SLFNL1: variants seen among roughly 807,000 people sequenced by gnomAD.
SLFNL1 encodes the protein schlafen-like protein 1.
Under a neutral mutation model 32.5 loss-of-function variants are expected in SLFNL1, and 26 were observed. That is an observed-to-expected ratio of 0.80 (90% CI 0.59 to 1.11). The LOEUF (loss-of-function observed/expected upper bound fraction) is 1.11, where lower values mean the gene tolerates loss of function less well. Among genes scored for constraint, SLFNL1 ranks in the 50% least tolerant of loss-of-function variants. The probability of loss-of-function intolerance (pLI) is 0.00; values close to 1 mark genes in which losing one functional copy is unlikely to be tolerated. For synonymous variants in SLFNL1, 255 were observed against 242.2 expected (o/e 1.05, Z -0.49); for missense variants, 553 against 546.5 (o/e 1.01, Z -0.12).
In SLFNL1 at chr1:41,016,086, C is replaced by G. The variant is rs1398217153; in HGVS notation, c.*20G>C. 6.2e-7 allele frequency: 1 copy of G among 1,609,476 alleles called. No individual in the cohort carries two copies. Among genetic ancestry groups the G allele is most frequent in the Non-Finnish European group, 8.5e-7 (1 of 1,177,510 alleles). On this transcript the variant is annotated 3_prime_UTR_variant, in exon 6 of 6. Transcript: ENST00000302946. The stretch of plus-strand genomic sequence containing the variant: ...CTCAGGTGGAGAGTGCCGTGCCGTC[C>G]TGCCTGCTCCCCAGGGCCCTCACAG...
chr1:41,019,231 C>T (rs955088845), intron 3 of SLFNL1, among the ~76,000 whole-genome samples: 16 of 152,142 alleles, frequency 1.1e-4, no homozygotes, highest in Non-Finnish European at 2.4e-4. Flanking sequence ...CCTACCAGCC[C>T]TGCAGCTCCC....
chr1:41,018,327 G>A, intron 3 of SLFNL1, 171 bp from the exon 4 acceptor site: 1 of 602,576 alleles, frequency 1.7e-6, no homozygotes, highest in Admixed American at 3.5e-5. Context: ...CCCTCCTGCA[G>A]CCGAGGCAGG....
chr1:41,020,810 C>T (rs1226033598), intron 2 of SLFNL1, 32 bp from the exon 3 acceptor site: 9 of 706,142 alleles, frequency 1.3e-5, no homozygotes, highest in South Asian at 1.9e-5. Context: ...AGAGACTGGG[C>T]AGGGCCAGAG....
Position 41,020,557 on chromosome 1 carries a change from G to A in SLFNL1, c.104C>T (p.Thr35Met), listed in dbSNP as rs370423685. 1.1e-4 allele frequency: 173 copies of A among 1,613,388 alleles called. No homozygotes were observed. Among genetic ancestry groups the A allele is most frequent in the Non-Finnish European group, 1.4e-4 (162 of 1,180,010 alleles). Reference protein sequence around the residue: ...LPELPAEQSLTEYSDLEEAPS... With the variant: ...LPELPAEQSLMEYSDLEEAPS... Reference sequence around the variant, plus strand: ...AGCCTCCTCGAGGTCAGAGTACTCCGTCAGGGACTGCTCTGCGGGTAGCTC... The same window carrying A: ...AGCCTCCTCGAGGTCAGAGTACTCCATCAGGGACTGCTCTGCGGGTAGCTC... The change falls in exon 3 of 6, where the codon ACG becomes ATG. Residue 35 changes from threonine to methionine, a missense_variant. Thr to Met is a moderately conservative substitution (Grantham distance 81). Coordinates refer to ENST00000302946, the MANE Select transcript of SLFNL1 (RefSeq NM_144990.4).
chr1:41,021,195 A>G (rs1643806966), intron 1 of SLFNL1: 1 of 155,104 alleles, frequency 6.4e-6, no homozygotes, highest in African/African-American at 2.4e-5. Context: ...GCCTGCTCTA[A>G]AACCCCATGT....
At chr1:41,018,834 T>TTG (rs1377170180) in intron 3 of SLFNL1, among the ~76,000 whole-genome samples, 1 of 134,064 alleles carries the variant, frequency 7.5e-6, no homozygotes, top group Non-Finnish European at 1.6e-5. Flanking sequence ...TCCTGTTTTT[T>TTG]TTTTTTTTTT....
intron 5 of SLFNL1, 32 bp from the exon 6 acceptor site, chr1:41,016,260 G>C: frequency 1.2e-6 from 2 of 1,611,994 alleles, no homozygotes; most frequent in Non-Finnish European, 1.7e-6. Flanking sequence ...ATGTGGCCAA[G>C]CCCGCCTGGT....
chr1:41,018,742 G>C (rs1450791347), intron 3 of SLFNL1, among the ~76,000 whole-genome samples: 1 of 151,892 alleles, frequency 6.6e-6, no homozygotes, highest in African/African-American at 2.4e-5. Flanking sequence ...GAGCCTCCTC[G>C]GGGCCACTTC....
Position 41,020,675 on chromosome 1 carries a change from T to C in SLFNL1, c.-15A>G. ...ATGGGGGTCATGGGAAGGCTCTCCC[T>C]GGGAAGGGGTTCCAGGATTCCTCAC... On this transcript the variant is annotated 5_prime_UTR_variant, in exon 3 of 6. Transcript: ENST00000302946. The C allele has an allele frequency of 1.3e-6, 2 of 1,598,816 alleles. No homozygotes were observed. The highest frequency in any genetic ancestry group is 1.7e-6 in the Non-Finnish European group (2 of 1,169,532).
Position 41,015,987 on chromosome 1 carries a change from G to A in SLFNL1, c.*119C>T. On this transcript the variant is annotated 3_prime_UTR_variant, in exon 6 of 6. Coordinates refer to ENST00000302946, the MANE Select transcript of SLFNL1 (RefSeq NM_144990.4). ...CCTGCTCATGTGCCATGTTGAAGGA[G>A]TCCCTGTCCGCCTCTCAGCAGCCCG... 1.5e-6 allele frequency: 2 copies of A among 1,372,232 alleles called. No individual in the cohort carries two copies. Among genetic ancestry groups the A allele is most frequent in the Non-Finnish European group, 9.8e-7 (1 of 1,018,532 alleles). 85.0% of individuals were successfully genotyped at this position (1,372,232 alleles called of 1,614,324 possible). A position where few individuals can be genotyped will look rare whatever the true frequency, so the allele number is the denominator to read the frequency against.
chr1:41,020,151 C>G (rs1040912452), intron 3 of SLFNL1, 75 bp downstream of exon 3: 11 of 1,457,374 alleles, frequency 7.5e-6, no homozygotes, highest in Non-Finnish European at 1.0e-5. Context: ...CATCCCCACT[C>G]TGCAGGCCAC....
In SLFNL1 at chr1:41,020,199, A is replaced by C. The variant is rs1643726010; in HGVS notation, c.435+27T>G. ...GCTCTCCCTTGGGGTGAGGCTTTGGAGCTTGCTTGGGAAAAGTCCCACTTA... is the reference window on the plus strand; with the variant it reads ...GCTCTCCCTTGGGGTGAGGCTTTGGCGCTTGCTTGGGAAAAGTCCCACTTA... On this transcript the variant is annotated intron_variant, in intron 3 of 5. Coordinates refer to ENST00000302946, the MANE Select transcript of SLFNL1 (RefSeq NM_144990.4). The C allele has an allele frequency of 3.9e-6, 6 of 1,556,248 alleles. No individual in the cohort carries two copies. The East Asian group carries it at 1.4e-4, about 35-fold the overall frequency.
At position 41,017,337 on chromosome 1, in the gene SLFNL1, T is replaced by C. The variant is rs1571009018; in HGVS notation, c.998A>G (p.Gln333Arg). ...CTGGTCTGTCTGGTAGAGTTGCGGC[T>C]GGCTCTGGGCCTTGGGGGTGTGCAC... Reference protein sequence around the residue: ...LTVHTPKAQSQPQLYQTDQGE... With the variant: ...LTVHTPKAQSRPQLYQTDQGE... The change falls in exon 5 of 6, where the codon CAG becomes CGG. Residue 333 changes from glutamine to arginine, a missense_variant. Transcript: ENST00000302946. The surrounding 1 kb of genome is among the most constrained non-coding windows in gnomAD (Gnocchi z 4.9). 1 of 1,613,738 alleles carries C rather than the reference T, an allele frequency of 6.2e-7. No individual in the cohort carries two copies. Among genetic ancestry groups the C allele is most frequent in the Non-Finnish European group, 8.5e-7 (1 of 1,179,940 alleles).
In SLFNL1 at chr1:41,017,178, G is replaced by A; in HGVS notation, c.1101+56C>T. On this transcript the variant is annotated intron_variant, in intron 5 of 5. Transcript: ENST00000302946. The surrounding 1 kb of genome is among the most constrained non-coding windows in gnomAD (Gnocchi z 4.9). The stretch of plus-strand genomic sequence containing the variant: ...GCCCTGGGCTGCTCAGTGGGTGGCT[G>A]AAGGGGTCTGGGGTCAGCTCCGCTC... 6.7e-7 allele frequency: 1 copy of A among 1,502,430 alleles called. No homozygotes were observed. Among genetic ancestry groups the A allele is most frequent in the Non-Finnish European group, 8.9e-7 (1 of 1,128,112 alleles). 93.1% of individuals were successfully genotyped at this position (1,502,430 alleles called of 1,614,324 possible). A position where few individuals can be genotyped will look rare whatever the true frequency, so the allele number is the denominator to read the frequency against.
chr1:41,016,605 A>G (rs140236412), intron 5 of SLFNL1: 39 of 189,018 alleles, frequency 2.1e-4, no homozygotes, highest in African/African-American at 8.9e-4. Context: ...TTCTGGTGAC[A>G]TCTCAACATT....
In SLFNL1 at chr1:41,018,136, C is replaced by G. The variant is rs1381411447; in HGVS notation, c.456G>C (p.Glu152Asp). ...SHREEKEEEEEDSGLSPGPSP... is the reference protein window; with the variant it reads ...SHREEKEEEEDDSGLSPGPSP... ...TGGGGCCAGGGCTCAGGCCACTGTC[C>G]TCCTCCTCCTCCTCCTTCTCCTAGG... The change falls in exon 4 of 6, where the codon GAG (glutamate) becomes GAC (aspartate). Residue 152 changes from glutamate to aspartate, a missense_variant. Physicochemically the swap from Glu to Asp is conservative, Grantham distance 45. Transcript: ENST00000302946. The G allele has an allele frequency of 3.6e-6, 5 of 1,384,330 alleles. No homozygotes were observed. The South Asian group carries it at 4.6e-5, about 13-fold the overall frequency. The allele number at this position is 1,384,330 out of a possible 1,614,324, so 85.8% of individuals were successfully genotyped here. A position where few individuals can be genotyped will look rare whatever the true frequency, so the allele number is the denominator to read the frequency against.
In SLFNL1 at chr1:41,017,210, A is replaced by C; in HGVS notation, c.1101+24T>G. ...TCTGGGGTCAGCTCCGCTCCACCCCACCCACTGGCCTCAGCTTCCGTACCT... is the reference window on the plus strand; with the variant it reads ...TCTGGGGTCAGCTCCGCTCCACCCCCCCCACTGGCCTCAGCTTCCGTACCT... On this transcript the variant is annotated intron_variant, in intron 5 of 5. Transcript: ENST00000302946. This position sits in a 1 kb window ranked among gnomAD's most constrained non-coding sequence, Gnocchi z 4.9. 3 of 1,537,812 alleles carry C rather than the reference A, an allele frequency of 2.0e-6. No individual in the cohort carries two copies. The highest frequency in any genetic ancestry group is 2.6e-6 in the Non-Finnish European group (3 of 1,145,404).
intron 5 of SLFNL1, 64 bp from the exon 6 acceptor site, chr1:41,016,292 C>T (rs1643317714): frequency 1.3e-6 from 2 of 1,568,016 alleles, no homozygotes; most frequent in Admixed American, 1.8e-5. Context: ...CCGTCCTCCA[C>T]CTGGGGCCAA....
rs1571042752 is a variant in SLFNL1 at position 41,020,889 on chromosome 1, G to A, written c.-125-19C>T. On this transcript the variant is annotated intron_variant, in intron 1 of 5. Transcript: ENST00000302946. ...CTGAGGCCTAGGATGAGAAAGCAGA[G>A]TCACGTGGACTGAGCAAGACACAGG... is the stretch of plus-strand genomic sequence containing the variant. 4 of 573,676 alleles carry A rather than the reference G, an allele frequency of 7.0e-6. No homozygotes were observed. Among genetic ancestry groups the A allele is most frequent in the African/African-American group, 1.9e-5 (1 of 53,500 alleles). 35.5% of individuals were successfully genotyped at this position (573,676 alleles called of 1,614,324 possible).
Sources: allele counts gnomAD v4.1 joint callset (sites outside exome capture counted in the v4.1 genomes callset), GRCh38; gene constraint gnomAD v4.1.1; non-coding constraint Gnocchi (gnomAD v3.1); transcripts MANE v1.5; gene names NCBI Gene and HGNC (gene_info 2026-07-23, HGNC 2026-07-21).